TMPRSS9: variants seen among roughly 807,000 people sequenced by gnomAD.
The protein encoded by TMPRSS9 is transmembrane serine protease 9, also known as transmembrane protease serine 9.
In TMPRSS9, 113 loss-of-function variants were observed where a neutral mutation model predicts 111.4. The ratio of observed to expected loss-of-function variants is 1.01; its 90% confidence interval spans 0.87 to 1.19. TMPRSS9 has a LOEUF of 1.19. TMPRSS9 is among the 50% of genes most tolerant of loss of function. The pLI, the probability that TMPRSS9 is intolerant of heterozygous loss-of-function variation, is 0.00. For missense variants in TMPRSS9, 1,803 were observed against 1,513.1 expected, an observed-to-expected ratio of 1.19 and a Z score of -3.18; for synonymous variants, 805 against 659.1, an observed-to-expected ratio of 1.22 and a Z score of -3.39.
rs770984232 is a variant in TMPRSS9 at position 2,401,952 on chromosome 19, C to T, written c.515-23C>T. Reference sequence around the variant, plus strand: ...GTTTTACCGCTTATTCAGTGAGCTTCTATCTTCTCTGTTTTGTTGCAGGGA... The same window carrying T: ...GTTTTACCGCTTATTCAGTGAGCTTTTATCTTCTCTGTTTTGTTGCAGGGA... On this transcript the variant is annotated intron_variant, in intron 4 of 17. Transcript: ENST00000648592. 4 of 1,601,998 alleles carry T rather than the reference C, an allele frequency of 2.5e-6. No individual in the cohort carries two copies. In the South Asian group the frequency reaches 4.4e-5, roughly 18 times the overall value.
At position 2,410,246 on chromosome 19, in the gene TMPRSS9, C is replaced by T. The variant is rs1276077306; in HGVS notation, c.1118-12C>T. The T allele has an allele frequency of 1.9e-6, 3 of 1,613,462 alleles. No homozygotes were observed. Among genetic ancestry groups the T allele is most frequent in the Non-Finnish European group, 1.7e-6 (2 of 1,179,798 alleles). On this transcript the variant is annotated splice_polypyrimidine_tract_variant and intron_variant, in intron 8 of 17. Transcript: ENST00000648592. ...GCACTCTCACCCTGCTTTTCTCTCC[C>T]CATTCGGCCAGTGGTCAAGCCAGAG...
intron 1 of TMPRSS9, among the ~76,000 whole-genome samples, chr19:2,379,445 A>G (rs1970363857): frequency 6.6e-6 from 1 of 151,758 alleles, no homozygotes; most frequent in Non-Finnish European, 1.5e-5. Flanking sequence ...TCGGCCTCCC[A>G]AAGTGCTGGG....
At chr19:2,379,669 CT>C (rs1449778289) in intron 1 of TMPRSS9, among the ~76,000 whole-genome samples, 1 of 147,030 alleles carries the variant, frequency 6.8e-6, no homozygotes, top group Non-Finnish European at 1.5e-5. Flanking sequence ...TTCTTTCTTT[CT>C]TTCTTTCTCT....
intron 1 of TMPRSS9, among the ~76,000 whole-genome samples, chr19:2,362,516 G>A (rs1285660242): frequency 6.6e-6 from 1 of 151,976 alleles, no homozygotes; most frequent in East Asian, 1.9e-4. Context: ...GTGTGTGATT[G>A]CATGATGAGA....
chr19:2,425,700 G>T (rs1971606231), intron 17 of TMPRSS9: 2 of 1,205,932 alleles, frequency 1.7e-6, no homozygotes, highest in Non-Finnish European at 2.2e-6. Flanking sequence ...CCCGGGCCTC[G>T]GCGGCAGAGC....
intron 12 of TMPRSS9, among the ~76,000 whole-genome samples, chr19:2,417,336 C>G (rs571748071): frequency 1.3e-5 from 2 of 151,972 alleles, no homozygotes; most frequent in Non-Finnish European, 2.9e-5. Context: ...TGTGGTGATG[C>G]ATGCCTGTAA....
intron 1 of TMPRSS9, among the ~76,000 whole-genome samples, chr19:2,364,268 C>T (rs1300804871): frequency 6.6e-6 from 1 of 152,194 alleles, no homozygotes; most frequent in East Asian, 1.9e-4. Context: ...GAAGCTGAGG[C>T]GAACCTTGGG....
upstream of TMPRSS9, chr19:2,389,629 A>G (rs371324543): frequency 3.8e-5 from 32 of 834,420 alleles, 1 homozygote; most frequent in East Asian, 4.0e-4. Flanking sequence ...CAGCCTCCCA[A>G]AGTGCTGGGA....
chr19:2,393,163 G>A (rs910903384), intron 1 of TMPRSS9, among the ~76,000 whole-genome samples: 7 of 152,156 alleles, frequency 4.6e-5, no homozygotes, highest in African/African-American at 1.7e-4. Flanking sequence ...AACCGGCTTG[G>A]GGACCTTTTC....
chr19:2,362,540 G>A (rs1167899918), intron 1 of TMPRSS9, among the ~76,000 whole-genome samples: 1 of 151,704 alleles, frequency 6.6e-6, no homozygotes, highest in African/African-American at 2.4e-5. Context: ...GCATGATTTT[G>A]TGGATGGCTT....
At chr19:2,383,091 C>T (rs540991602) in intron 1 of TMPRSS9, among the ~76,000 whole-genome samples, 5 of 152,156 alleles carry the variant, frequency 3.3e-5, no homozygotes, top group Non-Finnish European at 5.9e-5. Flanking sequence ...CAGTGGCTCA[C>T]GCCTGTAATC....
exon 18 of TMPRSS9, chr19:2,426,036 A>C (rs1170291162): frequency 6.2e-7 from 1 of 1,609,206 alleles, no homozygotes; most frequent in Non-Finnish European, 8.5e-7. Context: ...CCAGGTGTCT[A>C]TACCCGGGTG....
chr19:2,382,541 A>G (rs908175548), intron 1 of TMPRSS9, among the ~76,000 whole-genome samples: 2 of 152,144 alleles, frequency 1.3e-5, no homozygotes, highest in East Asian at 1.9e-4. Flanking sequence ...AACAGGACCA[A>G]TTGAGTGGAT....
At chr19:2,367,393 C>G (rs1970255681) in intron 1 of TMPRSS9, among the ~76,000 whole-genome samples, 1 of 151,830 alleles carries the variant, frequency 6.6e-6, no homozygotes. Flanking sequence ...ATAGAAAATG[C>G]TTATGTACTT....
chr19:2,383,195 A>T (rs1970406699), intron 1 of TMPRSS9, among the ~76,000 whole-genome samples: 2 of 152,050 alleles, frequency 1.3e-5, no homozygotes, highest in Non-Finnish European at 2.9e-5. Flanking sequence ...CTCTACTAAA[A>T]ATACAAAAAT....
At chr19:2,391,747 T>C (rs1210433135) in intron 1 of TMPRSS9, among the ~76,000 whole-genome samples, 1 of 150,708 alleles carries the variant, frequency 6.6e-6, no homozygotes, top group Non-Finnish European at 1.5e-5. Context: ...AGTCTTTTTT[T>C]TTTTTTTTGA....
chr19:2,418,309 C>T, intron 13 of TMPRSS9, among the ~76,000 whole-genome samples, 171 bp downstream of exon 14: 1 of 36,558 alleles, frequency 2.7e-5, no homozygotes. Flanking sequence ...CCCTCCCTTT[C>T]CCTCCCTCCC....
At chr19:2,413,613 G>A in intron 9 of TMPRSS9, 87 bp from the exon 11 acceptor site, 1 of 1,449,856 alleles carries the variant, frequency 6.9e-7, no homozygotes, top group Admixed American at 1.9e-5. Context: ...GGCTGTCCCA[G>A]CTCAGAGCTC....
rs71178267 is a variant in TMPRSS9 at position 2,377,243 on chromosome 19, C to CTGTATGTATGTA, written c.-25-12480_-25-12469dup. Among the ~76,000 whole-genome samples, 18 of 135,222 alleles carry CTGTATGTATGTA rather than the reference C, an allele frequency of 1.3e-4. 1 individual carries two copies. Among genetic ancestry groups the CTGTATGTATGTA allele is most frequent in the East Asian group, 4.7e-4 (2 of 4,276 alleles). The allele number at this position is 135,222 out of a possible 152,430, so 88.7% of individuals were successfully genotyped here. On this transcript the variant is annotated intron_variant, in intron 1 of 17. Coordinates refer to the TMPRSS9 transcript ENST00000649857. ...TCCTCGTACTTTCTTTCTTTTTTTA[C>CTGTATGTATGTA]TGTATGTATGTATGTATGTATGTAT...
Sources: allele counts gnomAD v4.1 joint callset (sites outside exome capture counted in the v4.1 genomes callset), GRCh38; gene constraint gnomAD v4.1.1; transcripts MANE v1.5; gene names NCBI Gene and HGNC (gene_info 2026-07-23, HGNC 2026-07-21).